SLC35F3: variants seen among roughly 807,000 people sequenced by gnomAD.
SLC35F3 encodes putative thiamine transporter SLC35F3.
In SLC35F3, 25 loss-of-function variants were observed where a neutral mutation model predicts 49.9. The observed-to-expected ratio is 0.50, with a 90% CI of 0.37 to 0.70. SLC35F3 has a LOEUF of 0.70. SLC35F3 is among the 30% of genes least tolerant of loss of function. The pLI is 0.00. For missense variants in SLC35F3, 525 were observed against 639.8 expected, an observed-to-expected ratio of 0.82 and a Z score of 1.94; for synonymous variants, 275 against 265.4, an observed-to-expected ratio of 1.04 and a Z score of -0.35.
intron 2 of SLC35F3, among the ~76,000 whole-genome samples, chr1:233,991,907 A>C (rs1409660609): frequency 6.6e-6 from 1 of 152,230 alleles, no homozygotes; most frequent in Non-Finnish European, 1.5e-5. Context: ...AATAAAACAA[A>C]ATGAAAACAT....
intron 2 of SLC35F3, among the ~76,000 whole-genome samples, chr1:233,982,518 G>A (rs2102822719): frequency 6.6e-6 from 1 of 152,174 alleles, no homozygotes; most frequent in East Asian, 1.9e-4. Context: ...GGGTTTACAG[G>A]CATGCGCCAC....
intron 2 of SLC35F3, among the ~76,000 whole-genome samples, chr1:234,180,639 C>G (rs951140468): frequency 2.0e-5 from 3 of 152,168 alleles, no homozygotes; most frequent in African/African-American, 7.2e-5. Flanking sequence ...TCATTCACCT[C>G]TCTTCCTATT....
Position 234,231,795 on chromosome 1 carries a change from G to C in SLC35F3, c.608+54G>C. The C allele has an allele frequency of 6.0e-6, 9 of 1,509,084 alleles. No homozygotes were observed. Among genetic ancestry groups the C allele is most frequent in the Non-Finnish European group, 8.1e-6 (9 of 1,106,782 alleles). The allele number at this position is 1,509,084 out of a possible 1,614,324, so 93.5% of individuals were successfully genotyped here. A position where few individuals can be genotyped will look rare whatever the true frequency, so the allele number is the denominator to read the frequency against. ...CTGACCCCGGGCTGCTCCATCCAGCGCTGACTCTGCAGAGCTGCCCCTGGT... is the reference window on the plus strand; with the variant it reads ...CTGACCCCGGGCTGCTCCATCCAGCCCTGACTCTGCAGAGCTGCCCCTGGT... On this transcript the variant is annotated intron_variant, in intron 3 of 7. Transcript: ENST00000366618. The surrounding 1 kb of genome is among the most constrained non-coding windows in gnomAD (Gnocchi z 5.4).
At chr1:234,062,906 G>T (rs1391436596) in intron 2 of SLC35F3, among the ~76,000 whole-genome samples, 1 of 150,896 alleles carries the variant, frequency 6.6e-6, no homozygotes, top group Non-Finnish European at 1.5e-5. Context: ...CACCGGGATG[G>T]TCTCGAACTC....
intron 2 of SLC35F3, among the ~76,000 whole-genome samples, chr1:234,143,726 G>A (rs1665954865): frequency 6.6e-6 from 1 of 152,184 alleles, no homozygotes; most frequent in Non-Finnish European, 1.5e-5. Flanking sequence ...AAAAGGTCAT[G>A]TATTTATGAC....
At chr1:234,232,519 C>CAAAAAAAAAAAAAAAA (rs536692686) in intron 3 of SLC35F3, among the ~76,000 whole-genome samples, 18 of 72,316 alleles carry the variant, frequency 2.5e-4, no homozygotes, top group South Asian at 5.6e-4. Flanking sequence ...CAGGCCTAGT[C>CAAAAAAAAAAAAAAAA]AAAAAAAAAA....
rs528066029 is a variant in SLC35F3, at chr1:234,173,777, A to C, written c.284-57640A>C. ...GCCTCCAGGAGCTAAAGCTACCCCA[A>C]GGCCATTTGGACTCCTTCAGTGGGA... On this transcript the variant is annotated intron_variant, in intron 2 of 7. Transcript: ENST00000366618. Among the ~76,000 whole-genome samples, 5 of 152,342 alleles carry C rather than the reference A, an allele frequency of 3.3e-5. No individual in the cohort carries two copies. In the South Asian group the frequency reaches 1.0e-3, roughly 32 times the overall value.
At chr1:233,905,296 C>T (rs1661753921) in intron 1 of SLC35F3, among the ~76,000 whole-genome samples, 166 bp downstream of exon 1, 1 of 152,218 alleles carries the variant, frequency 6.6e-6, no homozygotes, top group Non-Finnish European at 1.5e-5. Context: ...TCGCCACTCG[C>T]CCCAACCCGC....
At position 234,046,769 on chromosome 1, in the gene SLC35F3, A is replaced by G. The variant is rs996441914; in HGVS notation, c.283+141011A>G. On this transcript the variant is annotated intron_variant, in intron 2 of 7. Transcript: ENST00000366618. This position sits in a 1 kb window ranked among gnomAD's most constrained non-coding sequence, Gnocchi z 4.4. ...ATCCCTGAAATTTGTCTGTAATGAT[A>G]ATAGACCTCTAATGCTAATATGAAG... Among the ~76,000 whole-genome samples the G allele has an allele frequency of 3.3e-5, 5 of 152,208 alleles. No individual in the cohort carries two copies. The highest frequency in any genetic ancestry group is 1.2e-4 in the African/African-American group (5 of 41,462).
Position 234,045,996 on chromosome 1 carries a change from C to G in SLC35F3, c.283+140238C>G, listed in dbSNP as rs376904182. Among the ~76,000 whole-genome samples, 12 of 152,192 alleles carry G rather than the reference C, an allele frequency of 7.9e-5. No homozygotes were observed. The East Asian group carries it at 2.1e-3, about 27-fold the overall frequency. On this transcript the variant is annotated intron_variant, in intron 2 of 7. Transcript: ENST00000366618. ...TATGCTAATATTCAACTACAATACT[C>G]CATTGTAGCTGAATAATATGCTATG...
At chr1:234,105,462 T>C (rs929953573) in intron 2 of SLC35F3, among the ~76,000 whole-genome samples, 14 of 152,204 alleles carry the variant, frequency 9.2e-5, no homozygotes, top group Admixed American at 3.3e-4. Context: ...TGTTTCTCTT[T>C]CAGATGGGGC....
chr1:233,933,096 T>C (rs975414644), intron 2 of SLC35F3, among the ~76,000 whole-genome samples: 22 of 150,960 alleles, frequency 1.5e-4, no homozygotes, highest in Non-Finnish European at 2.7e-4. Context: ...GTATATGCTA[T>C]ACCATTCCTT....
intron 3 of SLC35F3, among the ~76,000 whole-genome samples, chr1:234,238,046 G>A (rs1667502409): frequency 6.6e-6 from 1 of 152,194 alleles, no homozygotes; most frequent in Non-Finnish European, 1.5e-5. Context: ...AGAAAGTGAT[G>A]AGCTACATTC....
At chr1:234,067,954 ATC>A (rs1664647673) in intron 2 of SLC35F3, among the ~76,000 whole-genome samples, 1 of 152,196 alleles carries the variant, frequency 6.6e-6, no homozygotes, top group Non-Finnish European at 1.5e-5. Flanking sequence ...CCTCTGAAAT[ATC>A]TGTTTGGCCT....
chr1:234,253,544 G>A lies in SLC35F3; in HGVS notation c.608+21803G>A, dbSNP rs533138576. On this transcript the variant is annotated intron_variant, in intron 3 of 7. Coordinates refer to ENST00000366618, the MANE Select transcript of SLC35F3 (RefSeq NM_173508.4). ...GATAAACAAGAAAACTAAAAACAGT[G>A]GTTTCCTGTTAGTAGGATGGGAAGA... Among the ~76,000 whole-genome samples the A allele has an allele frequency of 2.0e-5, 3 of 152,082 alleles. No individual in the cohort carries two copies. In the East Asian group the frequency reaches 5.8e-4, roughly 29 times the overall value.
intron 2 of SLC35F3, among the ~76,000 whole-genome samples, chr1:234,062,793 C>T (rs1382076806): frequency 6.6e-6 from 1 of 151,592 alleles, no homozygotes; most frequent in Non-Finnish European, 1.5e-5. Context: ...CATTCTCCTG[C>T]CTCAGTCTCC....
At chr1:234,117,964 G>GACA (rs1553306809) in intron 2 of SLC35F3, among the ~76,000 whole-genome samples, 1 of 129,924 alleles carries the variant, frequency 7.7e-6, no homozygotes, top group African/African-American at 2.6e-5. Flanking sequence ...GTGTGTGTGT[G>GACA]TATATATATA....
At chr1:233,994,045 C>T (rs1366889865) in intron 2 of SLC35F3, among the ~76,000 whole-genome samples, 3 of 152,090 alleles carry the variant, frequency 2.0e-5, no homozygotes, top group Admixed American at 6.5e-5. Flanking sequence ...TAATTGTCAC[C>T]GTGCAATCTG....
chr1:234,245,269 T>G (rs538218819), intron 3 of SLC35F3, among the ~76,000 whole-genome samples: 1 of 152,248 alleles, frequency 6.6e-6, no homozygotes, highest in African/African-American at 2.4e-5. Context: ...GACCTCCAGT[T>G]CCATCCATGT....
Sources: gnomAD v4.1 joint callset for allele counts (sites outside exome capture counted in the v4.1 genomes callset) on GRCh38, gnomAD v4.1.1 for gene constraint, Gnocchi (gnomAD v3.1) non-coding constraint, MANE v1.5 for transcripts, NCBI Gene and HGNC (gene_info 2026-07-23, HGNC 2026-07-21) for gene names.